DOCK3: variants seen among roughly 807,000 people sequenced by gnomAD.
DOCK3 encodes dedicator of cytokinesis protein 3.
DOCK3 carries 60 observed loss-of-function variants against 265.6 expected under a neutral mutation model. That is an observed-to-expected ratio of 0.23 (90% CI 0.18 to 0.28). The LOEUF (loss-of-function observed/expected upper bound fraction) is 0.28, where lower values mean the gene tolerates loss of function less well. Among genes scored for constraint, DOCK3 ranks in the 10% least tolerant of loss-of-function variants. The pLI, the probability that DOCK3 is intolerant of heterozygous loss-of-function variation, is 1.00. For synonymous variants in DOCK3, 881 were observed against 938.0 expected (o/e 0.94, Z 1.11); for missense variants, 1,981 against 2,594.3 (o/e 0.76, Z 5.14).
chr3:50,944,240 C>T (rs917494142), intron 5 of DOCK3, among the ~76,000 whole-genome samples: 4 of 152,096 alleles, frequency 2.6e-5, no homozygotes, highest in Non-Finnish European at 5.9e-5. Flanking sequence ...AAACCATAAT[C>T]TCTGTATCCA....
At chr3:50,849,798 T>G (rs539085314) in intron 3 of DOCK3, among the ~76,000 whole-genome samples, 2 of 152,270 alleles carry the variant, frequency 1.3e-5, no homozygotes, top group African/African-American at 4.8e-5. Context: ...AAAGCATACT[T>G]GTCAGCTAGG....
intron 26 of DOCK3, 148 bp downstream of exon 26, chr3:51,277,902 A>T (rs1209179004): frequency 1.3e-6 from 2 of 1,499,904 alleles, no homozygotes; most frequent in Admixed American, 4.3e-5. Flanking sequence ...TCCCTTCTTG[A>T]GTCTGACTCT....
At chr3:50,697,854 A>C (rs1443809406) in intron 1 of DOCK3, among the ~76,000 whole-genome samples, 1 of 151,958 alleles carries the variant, frequency 6.6e-6, no homozygotes, top group Non-Finnish European at 1.5e-5. Context: ...TTGTTGTGAT[A>C]ATTGATTATA....
intron 5 of DOCK3, among the ~76,000 whole-genome samples, chr3:50,980,175 G>T (rs1051316730): frequency 6.6e-6 from 1 of 152,122 alleles, no homozygotes; most frequent in Admixed American, 6.5e-5. Context: ...CAGGTTTGTT[G>T]AATTTTATTA....
In DOCK3 at chr3:51,207,256, G is replaced by C. The variant is rs115319118; in HGVS notation, c.1038-1518G>C. ...ATGTGTTGGGTGGAGGGGTAGATGT[G>C]AGTGAAATAATGCAGATTGCCACTG... On this transcript the variant is annotated intron_variant, in intron 12 of 52. Coordinates refer to ENST00000266037, the MANE Select transcript of DOCK3 (RefSeq NM_004947.5). Among the ~76,000 whole-genome samples, 784 of 152,248 alleles carry C rather than the reference G, an allele frequency of 5.1e-3. 2 individuals carry two copies. Among genetic ancestry groups the C allele is most frequent in the African/African-American group, 0.018 (750 of 41,532 alleles).
At chr3:50,790,420 T>G (rs1326553848) in intron 2 of DOCK3, among the ~76,000 whole-genome samples, 1 of 151,978 alleles carries the variant, frequency 6.6e-6, no homozygotes, top group Non-Finnish European at 1.5e-5. Flanking sequence ...GATTTATCCT[T>G]TAAGGAGGTT....
chr3:50,806,074 A>G (rs1182640963), intron 2 of DOCK3, among the ~76,000 whole-genome samples: 2 of 151,838 alleles, frequency 1.3e-5, no homozygotes, highest in Non-Finnish European at 2.9e-5. Context: ...CCTGAGATGC[A>G]GACACAGGAT....
At chr3:50,733,126 A>G (rs1195434032) in intron 1 of DOCK3, among the ~76,000 whole-genome samples, 3 of 152,218 alleles carry the variant, frequency 2.0e-5, no homozygotes, top group Non-Finnish European at 2.9e-5. Flanking sequence ...TGAAAAATGT[A>G]TATGGGCCTA....
intron 22 of DOCK3, among the ~76,000 whole-genome samples, chr3:51,257,693 T>C (rs751154033): frequency 2.2e-4 from 33 of 152,180 alleles, no homozygotes; most frequent in Non-Finnish European, 4.3e-4. Context: ...TAGGATCTCT[T>C]TTTCTTACAG....
intron 1 of DOCK3, among the ~76,000 whole-genome samples, chr3:50,729,860 A>G (rs1246295181): frequency 8.2e-6 from 1 of 121,994 alleles, no homozygotes; most frequent in Non-Finnish European, 1.6e-5. Context: ...ATGGAGCCTC[A>G]CTTCAGTGGC....
chr3:50,827,200 A>G (rs1333824107), intron 2 of DOCK3, among the ~76,000 whole-genome samples: 4 of 152,182 alleles, frequency 2.6e-5, no homozygotes, highest in African/African-American at 9.7e-5. Context: ...GGGTCTTCAA[A>G]ATGCCGAAGG....
chr3:51,173,893 C>T (rs910890755), intron 12 of DOCK3, among the ~76,000 whole-genome samples: 1 of 152,064 alleles, frequency 6.6e-6, no homozygotes, highest in East Asian at 1.9e-4. Flanking sequence ...AATTTTTCCC[C>T]CTTTTCTTTC....
chr3:50,823,195 G>T (rs547109575), intron 2 of DOCK3, among the ~76,000 whole-genome samples: 3 of 151,938 alleles, frequency 2.0e-5, no homozygotes, highest in African/African-American at 7.2e-5. Flanking sequence ...ATTCTTGGGT[G>T]TTTCTTGCAG....
intron 9 of DOCK3, among the ~76,000 whole-genome samples, chr3:51,145,723 T>C (rs1352409636): frequency 6.6e-6 from 1 of 152,158 alleles, no homozygotes; most frequent in Non-Finnish European, 1.5e-5. Context: ...ACTGCTGCCC[T>C]AAAGTGATTC....
chr3:51,341,116 C>T (rs952611885), intron 37 of DOCK3, 121 bp from the exon 38 acceptor site: 9 of 1,251,922 alleles, frequency 7.2e-6, no homozygotes, highest in Middle Eastern at 2.9e-4. Context: ...CCAGTGTCCC[C>T]GACCTGGGCT....
chr3:51,305,434 A>G (rs576915115), intron 27 of DOCK3, among the ~76,000 whole-genome samples: 41 of 152,166 alleles, frequency 2.7e-4, no homozygotes, highest in Middle Eastern at 3.4e-3. Context: ...TTTACTTTCA[A>G]TGTATTTGTA....
chr3:51,313,624 G>A (rs2083212207), intron 31 of DOCK3, among the ~76,000 whole-genome samples: 1 of 152,160 alleles, frequency 6.6e-6, no homozygotes, highest in Non-Finnish European at 1.5e-5. Flanking sequence ...TATTTCAAGT[G>A]AAGTCTGCTT....
At chr3:50,693,515 C>T (rs1576120306) in intron 1 of DOCK3, among the ~76,000 whole-genome samples, 1 of 134,116 alleles carries the variant, frequency 7.5e-6, no homozygotes, top group African/African-American at 2.7e-5. Context: ...TCATATTGTT[C>T]ATTAATTTCC....
chr3:50,852,425 A>G (rs1387344194), intron 3 of DOCK3, among the ~76,000 whole-genome samples: 1 of 152,024 alleles, frequency 6.6e-6, no homozygotes, highest in Admixed American at 6.5e-5. Context: ...AGGAAGTCCA[A>G]TTTGTCATTT....
Sources: gnomAD v4.1 joint callset for allele counts (sites outside exome capture counted in the v4.1 genomes callset) on GRCh38, gnomAD v4.1.1 for gene constraint, MANE v1.5 for transcripts, NCBI Gene and HGNC (gene_info 2026-07-23, HGNC 2026-07-21) for gene names.